OSMR: variants seen among roughly 807,000 people sequenced by gnomAD.
OSMR encodes the protein oncostatin M receptor.
In OSMR, 81 loss-of-function variants were observed where a neutral mutation model predicts 99.9. The observed-to-expected ratio is 0.81, with a 90% confidence interval of 0.68 to 0.97. OSMR has a LOEUF of 0.97. Ranked by LOEUF, OSMR falls within the 50% of genes least tolerant of loss-of-function variation. The pLI is 0.00. For missense variants in OSMR, 1,099 were observed against 1,153.4 expected, an observed-to-expected ratio of 0.95 and a Z score of 0.68; for synonymous variants, 406 against 410.4, an observed-to-expected ratio of 0.99 and a Z score of 0.13.
At chr5:38,851,527 A>G (rs1047324231) in intron 1 of OSMR, among the ~76,000 whole-genome samples, 2 of 152,152 alleles carry the variant, frequency 1.3e-5, no homozygotes, top group Admixed American at 1.3e-4. Context: ...AGTTGCTTCC[A>G]GCTGCAGCCA....
rs770109644 is a variant in OSMR at position 38,876,364 on chromosome 5, C to A, written c.237C>A (p.Val79=). 1.1e-5 allele frequency: 17 copies of A among 1,612,428 alleles called. 1 individual carries two copies. The highest frequency in any genetic ancestry group is 1.4e-5 in the Non-Finnish European group (16 of 1,178,916). ...TCAGTAGGATTGAAACATCCAATGT[C>A]ATCTGGGTGGTAAGTAATTTTTTTG... ...IQISRIETSN[V]IWVGNYSTTV... Residue 79 remains valine (V), a synonymous_variant, in exon 3 of 18, where the codon GTC becomes GTA. Coordinates refer to ENST00000274276, the MANE Select transcript of OSMR (RefSeq NM_003999.3).
At chr5:38,896,766 T>C (rs948598762) in intron 7 of OSMR, among the ~76,000 whole-genome samples, 1 of 152,116 alleles carries the variant, frequency 6.6e-6, no homozygotes, top group African/African-American at 2.4e-5. Context: ...CCATTCAGTA[T>C]GATACTAGCT....
intron 14 of OSMR, 184 bp from the exon 15 acceptor site, chr5:38,925,020 C>T: frequency 1.0e-6 from 1 of 959,378 alleles, no homozygotes; most frequent in Non-Finnish European, 1.2e-6. Context: ...TGTGCCATCT[C>T]CTGACCATTT....
intron 9 of OSMR, 29 bp downstream of exon 9, chr5:38,904,532 A>G: frequency 1.2e-6 from 2 of 1,614,008 alleles, no homozygotes; most frequent in African/African-American, 1.3e-5. Flanking sequence ...ATTTAACCCA[A>G]AGAAGTAGGT....
chr5:38,925,260 G>T lies in OSMR; in HGVS notation c.2101G>T (p.Val701Leu). ...IDNPEEKALI[V>L]DNLKPESFYE... Reference sequence around the variant, plus strand: ...CAACCCGGAAGAAAAGGCATTGATTGTGGACAACCTAAAGCCAGAATCCTT... The same window carrying T: ...CAACCCGGAAGAAAAGGCATTGATTTTGGACAACCTAAAGCCAGAATCCTT... Residue 701 changes from valine to leucine, a missense_variant, in exon 15 of 18, where the codon GTG becomes TTG. Coordinates refer to ENST00000274276, the MANE Select transcript of OSMR (RefSeq NM_003999.3). 1 of 1,613,848 alleles carries T rather than the reference G, an allele frequency of 6.2e-7. No individual in the cohort carries two copies. Among genetic ancestry groups the T allele is most frequent in the Non-Finnish European group, 8.5e-7 (1 of 1,179,858 alleles).
chr5:38,863,637 G>A (rs1741694914), intron 1 of OSMR, among the ~76,000 whole-genome samples: 1 of 152,206 alleles, frequency 6.6e-6, no homozygotes, highest in African/African-American at 2.4e-5. Flanking sequence ...TTTTGCAGGT[G>A]TTGGATAAAA....
At chr5:38,886,295 G>A (rs1036488509) in intron 7 of OSMR, 105 bp downstream of exon 7, 15 of 1,591,306 alleles carry the variant, frequency 9.4e-6, no homozygotes, top group African/African-American at 1.3e-5. Context: ...CATTCACAGC[G>A]GAGGTGAGAG....
At chr5:38,900,762 A>T (rs1034813997) in intron 7 of OSMR, among the ~76,000 whole-genome samples, 4 of 151,886 alleles carry the variant, frequency 2.6e-5, no homozygotes, top group African/African-American at 9.7e-5. Context: ...TTGTAGAAGT[A>T]TTTTTTTTGT....
intron 7 of OSMR, among the ~76,000 whole-genome samples, chr5:38,891,600 T>TA (rs1164888734): frequency 1.3e-5 from 2 of 152,128 alleles, no homozygotes; most frequent in African/African-American, 4.8e-5. Context: ...AATCCACACT[T>TA]ACACCATGGA....
At chr5:38,932,201 T>C (rs1410898831) in intron 16 of OSMR, among the ~76,000 whole-genome samples, 1 of 152,218 alleles carries the variant, frequency 6.6e-6, no homozygotes, top group Non-Finnish European at 1.5e-5. Flanking sequence ...CAGCAATAGC[T>C]AATATTTATA....
At chr5:38,888,021 A>G (rs1243979970) in intron 7 of OSMR, among the ~76,000 whole-genome samples, 3 of 152,308 alleles carry the variant, frequency 2.0e-5, no homozygotes, top group East Asian at 1.9e-4. Flanking sequence ...TGAAAAGTTT[A>G]GTAGGCAAGA....
chr5:38,920,516 G>A (rs1746179540), intron 11 of OSMR, among the ~76,000 whole-genome samples: 1 of 152,208 alleles, frequency 6.6e-6, no homozygotes, highest in South Asian at 2.1e-4. Context: ...CTGCTTGATG[G>A]AGGAAGGCAG....
Position 38,881,487 on chromosome 5 carries a change from G to A in OSMR, c.247-106G>A, listed in dbSNP as rs1264859098. On this transcript the variant is annotated intron_variant, in intron 3 of 17. Coordinates refer to ENST00000274276, the MANE Select transcript of OSMR (RefSeq NM_003999.3). ...AGTGGAATTCACTGGCACATATCGT[G>A]GACCTGCAATGGGGTCTTAGGTTTG... The A allele has an allele frequency of 7.5e-6, 12 of 1,604,332 alleles. No individual in the cohort carries two copies. In the Admixed American group the frequency reaches 2.0e-4, roughly 27 times the overall value.
intron 1 of OSMR, among the ~76,000 whole-genome samples, chr5:38,867,966 A>G (rs1041966759): frequency 7.3e-6 from 1 of 136,768 alleles, no homozygotes; most frequent in African/African-American, 2.8e-5. Context: ...CAAATAATTA[A>G]TTTAAATTTA....
intron 10 of OSMR, among the ~76,000 whole-genome samples, chr5:38,918,071 CTG>C (rs1338218081): frequency 6.6e-6 from 1 of 152,150 alleles, no homozygotes; most frequent in Admixed American, 6.5e-5. Flanking sequence ...ATTCTGAACT[CTG>C]TGATGCGTCA....
chr5:38,886,131 T>C lies in OSMR; in HGVS notation c.932T>C (p.Ile311Thr). 1 of 1,614,122 alleles carries C rather than the reference T, an allele frequency of 6.2e-7. No individual in the cohort carries two copies. Among genetic ancestry groups the C allele is most frequent in the Non-Finnish European group, 8.5e-7 (1 of 1,179,968 alleles). ...CAAGAAACCTATAACTTCACACTCATAGCTGAAAATTACTTAAGGAAGAGA... is the reference window on the plus strand; with the variant it reads ...CAAGAAACCTATAACTTCACACTCACAGCTGAAAATTACTTAAGGAAGAGA... Reference protein sequence around the residue: ...DSQETYNFTLIAENYLRKRSV... With the variant: ...DSQETYNFTLTAENYLRKRSV... The change falls in exon 7 of 18, where the codon ATA (isoleucine) becomes ACA (threonine). Residue 311 changes from isoleucine (I) to threonine (T), a missense_variant. Transcript: ENST00000274276.
rs1746383160 is a variant in OSMR at position 38,924,529 on chromosome 5, TAC to T, written c.1979_1980del (p.Tyr660SerfsTer16). The T allele has an allele frequency of 1.9e-6, 3 of 1,614,132 alleles. No individual in the cohort carries two copies. The South Asian group carries it at 3.3e-5, about 18-fold the overall frequency. On this transcript the variant is annotated frameshift_variant, in exon 14 of 18. Transcript: ENST00000274276. LOFTEE classifies it high-confidence loss of function. ...TESQPGFIQG[Y>X]HVYLKSKARQ... ...ATCTCAACCTGGTTTTATACAAGGG[TAC>T]CATGTCTATCTGAAATCCAAGGCGA...
At chr5:38,941,141 T>C (rs1463039913) in intron 1 of OSMR, 1 of 232,784 alleles carries the variant, frequency 4.3e-6, no homozygotes, top group East Asian at 6.1e-5. Flanking sequence ...AACAAAAACC[T>C]TGCCCTCATC....
downstream of OSMR, chr5:38,939,633 G>A (rs16867885): frequency 0.023 from 5,271 of 229,428 alleles, 92 homozygotes; most frequent in South Asian, 0.082. Flanking sequence ...TTCACTTTAC[G>A]ATTAGAAATT....
Sources: allele counts gnomAD v4.1 joint callset (sites outside exome capture counted in the v4.1 genomes callset), GRCh38; gene constraint gnomAD v4.1.1; transcripts MANE v1.5; gene names NCBI Gene and HGNC (gene_info 2026-07-23, HGNC 2026-07-21).